QTGAL: variants seen among roughly 807,000 people sequenced by gnomAD.
QTGAL encodes the protein BGnT-like protein 1.
At chr17:83,000,369 G>A in the QTGAL span, among the ~76,000 whole-genome samples, 997 of 152,298 alleles carry the variant, frequency 6.5e-3, 6 homozygotes, top group African/African-American at 0.021. Flanking sequence ...ACCTGAGCTC[G>A]CGGCTGTGCC....
chr17:82,942,311 G>A, the QTGAL span: 4 of 1,255,822 alleles, frequency 3.2e-6, no homozygotes, highest in East Asian at 7.3e-5. Flanking sequence ...GCTGCCGGGT[G>A]TGTGGGAAAC....
At chr17:82,974,853 A>T in the QTGAL span, among the ~76,000 whole-genome samples, 26 of 152,290 alleles carry the variant, frequency 1.7e-4, no homozygotes, top group South Asian at 1.7e-3. Flanking sequence ...GCAGGCAAAG[A>T]ACGTGGGGCT....
At chr17:82,978,945 G>A in the QTGAL span, 1 of 152,172 alleles carries the variant, frequency 6.6e-6, no homozygotes, top group Non-Finnish European at 1.5e-5. The surrounding 1 kb of genome is among the most constrained non-coding windows in gnomAD (Gnocchi z 4.8). Context: ...GAAAATGGAA[G>A]TACATTGAAA....
the QTGAL span, among the ~76,000 whole-genome samples, chr17:82,976,981 G>A: frequency 6.6e-6 from 1 of 152,166 alleles, no homozygotes; most frequent in South Asian, 2.1e-4. Flanking sequence ...ATCCTCCCAG[G>A]GGCCGGAGGC....
At chr17:82,961,299 T>G in the QTGAL span, 88 of 1,382,318 alleles carry the variant, frequency 6.4e-5, no homozygotes, top group African/African-American at 9.4e-4. Context: ...AGGCTTTTGT[T>G]GCAAAGAAAC....
At chr17:82,966,688 C>T in the QTGAL span, among the ~76,000 whole-genome samples, 2 of 152,138 alleles carry the variant, frequency 1.3e-5, no homozygotes, top group Non-Finnish European at 2.9e-5. Context: ...AAAGCCCCAG[C>T]CTCAGACCGG....
At chr17:82,958,860 GGT>G in the QTGAL span, among the ~76,000 whole-genome samples, 174 of 75,278 alleles carry the variant, frequency 2.3e-3, 6 homozygotes, top group African/African-American at 0.011. Flanking sequence ...GGGGGTGTAT[GGT>G]GTGTGTGTGT....
chr17:82,965,932 C>G, the QTGAL span, among the ~76,000 whole-genome samples: 1 of 152,056 alleles, frequency 6.6e-6, no homozygotes, highest in Admixed American at 6.5e-5. Context: ...GGACGGGGCT[C>G]AAGGGGCTTC....
At chr17:83,017,958 C>T in the QTGAL span, among the ~76,000 whole-genome samples, 2 of 148,060 alleles carry the variant, frequency 1.4e-5, no homozygotes, top group South Asian at 2.1e-4. Flanking sequence ...ACACGTGCTC[C>T]GTGAACACCG....
chr17:83,016,673 A>C, the QTGAL span, among the ~76,000 whole-genome samples: 4 of 62,000 alleles, frequency 6.5e-5, no homozygotes. Flanking sequence ...GGTGGAGGGA[A>C]GTGGGGGTTG....
the QTGAL span, chr17:83,014,451 T>TAGG: frequency 1.2e-5 from 19 of 1,613,764 alleles, no homozygotes; most frequent in East Asian, 4.2e-4. Context: ...GGCCAGTACT[T>TAGG]ACGCTCGACG....
the QTGAL span, among the ~76,000 whole-genome samples, chr17:82,982,256 C>T: frequency 6.6e-6 from 1 of 152,226 alleles, no homozygotes; most frequent in Admixed American, 6.5e-5. Context: ...TCATCTGCGA[C>T]TTTTTTCAAA....
the QTGAL span, chr17:83,048,852 T>C: frequency 7.4e-7 from 1 of 1,345,998 alleles, no homozygotes; most frequent in Non-Finnish European, 1.1e-6. Context: ...GGCTCTAATT[T>C]ACCTCCCCTT....
At chr17:82,971,621 CAG>C in the QTGAL span, among the ~76,000 whole-genome samples, 1 of 145,440 alleles carries the variant, frequency 6.9e-6, no homozygotes, top group African/African-American at 2.5e-5. Flanking sequence ...CACCACACCA[CAG>C]GGGCCAGAAG....
the QTGAL span, chr17:83,004,982 A>G: frequency 3.1e-6 from 2 of 653,196 alleles, no homozygotes; most frequent in Non-Finnish European, 5.1e-6. Flanking sequence ...GATTGATGGC[A>G]TGTGAGTGAA....
chr17:82,970,276 CCT>C, the QTGAL span, among the ~76,000 whole-genome samples: 2 of 152,232 alleles, frequency 1.3e-5, no homozygotes, highest in East Asian at 1.9e-4. Flanking sequence ...CCCGAGGCCC[CCT>C]GAGAGGCTGC....
chr17:82,953,843 A>G, the QTGAL span, among the ~76,000 whole-genome samples: 2 of 152,230 alleles, frequency 1.3e-5, no homozygotes, highest in Non-Finnish European at 2.9e-5. Context: ...GGCTGGTTCA[A>G]TATACGCAAA....
chr17:83,040,819 A>C, the QTGAL span, among the ~76,000 whole-genome samples: 1 of 152,206 alleles, frequency 6.6e-6, no homozygotes, highest in Non-Finnish European at 1.5e-5. Context: ...TAATCCCAGC[A>C]CTTTGGGAGG....
the QTGAL span, among the ~76,000 whole-genome samples, chr17:82,952,325 C>T: frequency 4.6e-5 from 7 of 152,148 alleles, no homozygotes; most frequent in South Asian, 2.1e-4. Flanking sequence ...CCAACAGTAC[C>T]GCTTGGGGCC....
Sources: allele counts gnomAD v4.1 joint callset (sites outside exome capture counted in the v4.1 genomes callset), GRCh38; gene constraint gnomAD v4.1.1; non-coding constraint Gnocchi (gnomAD v3.1); transcripts MANE v1.5; gene names NCBI Gene and HGNC (gene_info 2026-07-23, HGNC 2026-07-21).